Variants in SLC16A12 observed in about 807,000 individuals in gnomAD.
SLC16A12 encodes solute carrier family 16 member 12.
In SLC16A12, 17 loss-of-function variants were observed where a neutral mutation model predicts 42.4. That is an observed-to-expected ratio of 0.40 (90% CI 0.27 to 0.60). SLC16A12 has a LOEUF of 0.60. Among genes scored for constraint, SLC16A12 ranks in the 20% least tolerant of loss-of-function variants. The pLI is 0.42. For missense variants in SLC16A12, 544 were observed against 623.0 expected, an observed-to-expected ratio of 0.87 and a Z score of 1.35; for synonymous variants, 224 against 229.4, an observed-to-expected ratio of 0.98 and a Z score of 0.21.
intron 2 of SLC16A12, among the ~76,000 whole-genome samples, chr10:89,477,564 CAAAAAAAA>C (rs34204051): frequency 8.1e-5 from 4 of 49,258 alleles, no homozygotes; most frequent in Non-Finnish European, 1.5e-4. Flanking sequence ...AACTCTGTCT[CAAAAAAAA>C]AAAAAAAAAA....
At chr10:89,545,459 C>G (rs1340205278) in intron 2 of SLC16A12, among the ~76,000 whole-genome samples, 2 of 152,050 alleles carry the variant, frequency 1.3e-5, no homozygotes, top group Non-Finnish European at 1.5e-5. Flanking sequence ...GAATGAACTC[C>G]CATTCACAAT....
At chr10:89,452,118 G>T (rs1842104731) in intron 3 of SLC16A12, among the ~76,000 whole-genome samples, 1 of 152,144 alleles carries the variant, frequency 6.6e-6, no homozygotes, top group African/African-American at 2.4e-5. Context: ...AATGTTGAGG[G>T]TGATGGCATA....
intron 2 of SLC16A12, among the ~76,000 whole-genome samples, chr10:89,533,638 A>G (rs772632495): frequency 3.3e-5 from 5 of 152,176 alleles, no homozygotes; most frequent in Non-Finnish European, 7.3e-5. Flanking sequence ...CCAAGGAAAG[A>G]TGGGGGTAGA....
chr10:89,545,595 A>T (rs1843738073), intron 2 of SLC16A12, among the ~76,000 whole-genome samples: 1 of 152,244 alleles, frequency 6.6e-6, no homozygotes, highest in South Asian at 2.1e-4. Context: ...TTCCATCCTC[A>T]TGGATAGGAA....
intron 4 of SLC16A12, among the ~76,000 whole-genome samples, chr10:89,442,264 C>G (rs1449602581): frequency 1.3e-5 from 2 of 152,192 alleles, no homozygotes; most frequent in East Asian, 1.9e-4. Context: ...CATCCATACT[C>G]TGAACTTTAA....
intron 7 of SLC16A12, among the ~76,000 whole-genome samples, chr10:89,434,192 T>TTGATTTACTTGTGCA (rs1486881228): frequency 2.0e-5 from 3 of 152,228 alleles, no homozygotes; most frequent in Non-Finnish European, 4.4e-5. Context: ...ATATTTTAGT[T>TTGATTTACTTGTGCA]ATTGTTTGAT....
chr10:89,453,052 T>C (rs980952322), intron 3 of SLC16A12, among the ~76,000 whole-genome samples: 5 of 152,334 alleles, frequency 3.3e-5, no homozygotes, highest in South Asian at 2.1e-4. Flanking sequence ...GAATGCTCTA[T>C]GTAATTCTCT....
intron 3 of SLC16A12, among the ~76,000 whole-genome samples, chr10:89,456,901 A>G (rs1232372955): frequency 7.9e-5 from 12 of 152,172 alleles, no homozygotes; most frequent in Non-Finnish European, 1.5e-4. Context: ...TTATGGCTGC[A>G]TAGTATATAC....
intron 3 of SLC16A12, among the ~76,000 whole-genome samples, chr10:89,452,020 G>T (rs1402318544): frequency 1.3e-5 from 2 of 152,204 alleles, no homozygotes; most frequent in Non-Finnish European, 2.9e-5. Flanking sequence ...CAGAAAGAAG[G>T]CAGTGGTGTT....
intron 2 of SLC16A12, among the ~76,000 whole-genome samples, chr10:89,551,857 C>G (rs1372592976): frequency 6.6e-6 from 1 of 152,204 alleles, no homozygotes; most frequent in Non-Finnish European, 1.5e-5. Flanking sequence ...TCAGGTATGT[C>G]TTTATCAGCA....
At chr10:89,444,349 A>G (rs1589663811) in intron 3 of SLC16A12, among the ~76,000 whole-genome samples, 1 of 152,146 alleles carries the variant, frequency 6.6e-6, no homozygotes. Flanking sequence ...ATATAAAAGG[A>G]TATATTCTGA....
At chr10:89,463,608 A>C (rs1842339614) in intron 2 of SLC16A12, among the ~76,000 whole-genome samples, 3 of 152,182 alleles carry the variant, frequency 2.0e-5, no homozygotes, top group Admixed American at 1.3e-4. Flanking sequence ...AACCAAGATA[A>C]AAAAAATTTC....
chr10:89,478,740 C>T (rs936099440), intron 2 of SLC16A12, among the ~76,000 whole-genome samples: 10 of 152,212 alleles, frequency 6.6e-5, no homozygotes, highest in African/African-American at 2.2e-4. Flanking sequence ...ACTCAAATTT[C>T]CAATAGTCTG....
chr10:89,499,836 A>T (rs1481358520), intron 2 of SLC16A12, among the ~76,000 whole-genome samples: 1 of 152,186 alleles, frequency 6.6e-6, no homozygotes, highest in Non-Finnish European at 1.5e-5. Flanking sequence ...CAAAAAAAAT[A>T]CGAAAGATAA....
chr10:89,509,133 C>T (rs1843120455), intron 2 of SLC16A12, among the ~76,000 whole-genome samples: 1 of 152,082 alleles, frequency 6.6e-6, no homozygotes, highest in East Asian at 1.9e-4. Flanking sequence ...AGTCCAGGAC[C>T]AGACAGATTC....
intron 2 of SLC16A12, among the ~76,000 whole-genome samples, chr10:89,502,762 G>A (rs1376702178): frequency 2.0e-5 from 3 of 152,166 alleles, no homozygotes; most frequent in Non-Finnish European, 4.4e-5. Context: ...AAATCATATT[G>A]GTTGTCAGAG....
intron 2 of SLC16A12, among the ~76,000 whole-genome samples, chr10:89,515,728 C>T (rs1392454721): frequency 1.3e-5 from 2 of 152,174 alleles, no homozygotes; most frequent in Admixed American, 1.3e-4. Flanking sequence ...CACCCCCTCA[C>T]TCTCCAGCCC....
upstream of SLC16A12, among the ~76,000 whole-genome samples, chr10:89,538,536 G>A (rs1843694420): frequency 1.3e-5 from 2 of 152,178 alleles, no homozygotes; most frequent in African/African-American, 4.8e-5. Flanking sequence ...CTACTGGACA[G>A]TGACGCTTAG....
chr10:89,506,225 T>C (rs1039342285), intron 2 of SLC16A12, among the ~76,000 whole-genome samples: 4 of 152,230 alleles, frequency 2.6e-5, no homozygotes, highest in African/African-American at 9.6e-5. Context: ...CGAGCTCTGA[T>C]AACAGACAGA....
Sources: gnomAD v4.1 joint callset for allele counts (sites outside exome capture counted in the v4.1 genomes callset) on GRCh38, gnomAD v4.1.1 for gene constraint, MANE v1.5 for transcripts, NCBI Gene and HGNC (gene_info 2026-07-23, HGNC 2026-07-21) for gene names.